The following BRD4 variants were observed in gnomAD, a reference collection of about 807,000 sequenced individuals.
BRD4 encodes bromodomain containing 4, also known as bromodomain-containing protein 4.
BRD4 carries 16 observed loss-of-function variants against 142.1 expected under a neutral mutation model. The ratio of observed to expected loss-of-function variants is 0.11; its 90% CI spans 0.08 to 0.17. BRD4 has a LOEUF of 0.17. Ranked by LOEUF, BRD4 falls within the 10% of genes least tolerant of loss-of-function variation. BRD4 has a pLI of 1.00. For synonymous variants in BRD4, 833 were observed against 707.5 expected, an observed-to-expected ratio of 1.18 and a Z score of -2.82; for missense variants, 1,424 against 1,810.9, an observed-to-expected ratio of 0.79 and a Z score of 3.88.
chr19:15,289,309 T>A (rs1423997725), intron 1 of BRD4, among the ~76,000 whole-genome samples: 1 of 152,114 alleles, frequency 6.6e-6, no homozygotes, highest in Non-Finnish European at 1.5e-5. Flanking sequence ...CCCAGCACTT[T>A]GGGAGGCCGA....
intron 1 of BRD4, among the ~76,000 whole-genome samples, chr19:15,298,542 A>AC (rs1158190692): frequency 2.1e-5 from 3 of 139,538 alleles, no homozygotes; most frequent in African/African-American, 8.1e-5. Context: ...AATCACTTGA[A>AC]CCCGGGGGGC....
chr19:15,276,924 A>G (rs1224216783), intron 1 of BRD4, among the ~76,000 whole-genome samples: 1 of 152,188 alleles, frequency 6.6e-6, no homozygotes, highest in African/African-American at 2.4e-5. Flanking sequence ...CCCGAGGGAC[A>G]GGCGGCATCT....
chr19:15,312,091 G>A (rs945344967), intron 1 of BRD4, among the ~76,000 whole-genome samples: 1 of 152,210 alleles, frequency 6.6e-6, no homozygotes, highest in African/African-American at 2.4e-5. Context: ...AGGCAAATGG[G>A]TTCAGCCGAC....
In BRD4 at chr19:15,331,685, G is replaced by A. The variant is rs188163030; in HGVS notation, c.-35+605C>T. Among the ~76,000 whole-genome samples, 779 of 152,074 alleles carry A rather than the reference G, an allele frequency of 5.1e-3. 7 individuals carry two copies. Among genetic ancestry groups the A allele is most frequent in the African/African-American group, 0.018 (731 of 41,540 alleles). ...GGGAAGGTGAAGAGATGGGGGTGGGGGCGCGCTGCCCCGGCCCAGGCAAAA... is the reference window on the plus strand; with the variant it reads ...GGGAAGGTGAAGAGATGGGGGTGGGAGCGCGCTGCCCCGGCCCAGGCAAAA... On this transcript the variant is annotated intron_variant, in intron 1 of 19. Coordinates refer to ENST00000679869, the MANE Select transcript of BRD4 (RefSeq NM_001379291.1).
intron 8 of BRD4, 77 bp downstream of exon 8, chr19:15,256,887 T>A (rs763536687): frequency 3.0e-5 from 40 of 1,317,942 alleles, no homozygotes; most frequent in African/African-American, 4.4e-5. Flanking sequence ...ACCAAGAACA[T>A]CTCTTAGAAA....
At chr19:15,240,543 A>G (rs1014960153) in intron 14 of BRD4, among the ~76,000 whole-genome samples, 1 of 152,176 alleles carries the variant, frequency 6.6e-6, no homozygotes, top group Non-Finnish European at 1.5e-5. Flanking sequence ...TTCCCCACTC[A>G]GCCTGCACGC....
chr19:15,267,404 TCAGTACTC>T lies in BRD4; in HGVS notation c.559+4_559+11del. ...GGAGAAAGCCAATTTACTTGCTATT[TCAGTACTC>T]TACCTGTTTCTTTCCTCCCACGTCC... On this transcript the variant is annotated splice_donor_5th_base_variant and intron_variant, in intron 4 of 19. Coordinates refer to ENST00000679869, the MANE Select transcript of BRD4 (RefSeq NM_001379291.1). The T allele has an allele frequency of 6.2e-7, 1 of 1,612,428 alleles. No individual in the cohort carries two copies. The highest frequency in any genetic ancestry group is 1.3e-5 in the African/African-American group (1 of 74,896).
chr19:15,297,905 G>T (rs1206092788), intron 1 of BRD4, among the ~76,000 whole-genome samples: 2 of 152,184 alleles, frequency 1.3e-5, no homozygotes, highest in African/African-American at 4.8e-5. Context: ...GCCTACATGT[G>T]TGCCCATCCA....
intron 2 of BRD4, among the ~76,000 whole-genome samples, chr19:15,272,070 GAA>G (rs113332064): frequency 6.7e-6 from 1 of 148,928 alleles, no homozygotes; most frequent in Non-Finnish European, 1.5e-5. Flanking sequence ...GTGCTTTAAA[GAA>G]AAAAAAACTG....
intron 1 of BRD4, among the ~76,000 whole-genome samples, chr19:15,327,910 A>G (rs2048122772): frequency 1.6e-4 from 3 of 18,516 alleles, no homozygotes; most frequent in Middle Eastern, 0.17. Flanking sequence ...TAGGTAATGG[A>G]TTTCTTTTGG....
intron 1 of BRD4, among the ~76,000 whole-genome samples, chr19:15,286,974 A>G (rs752350905): frequency 4.6e-5 from 7 of 152,190 alleles, no homozygotes; most frequent in Non-Finnish European, 1.0e-4. Context: ...AGGGATGGGG[A>G]ATACTACACA....
Position 15,250,696 on chromosome 19 carries a change from G to A in BRD4, c.2158+3456C>T, listed in dbSNP as rs151057402. On this transcript the variant is annotated intron_variant, in intron 11 of 19. Coordinates refer to ENST00000679869, the MANE Select transcript of BRD4 (RefSeq NM_001379291.1). ...ACGGGTATTCCTAAGAGGGACATAA[G>A]CTGTGGGGACACTTCTGCTCACAAA... Among the ~76,000 whole-genome samples, 70 of 152,314 alleles carry A rather than the reference G, an allele frequency of 4.6e-4. 4 individuals are homozygous for A. The East Asian group carries it at 0.013, about 29-fold the overall frequency.
chr19:15,244,830 A>G, intron 11 of BRD4, 68 bp from the exon 12 acceptor site: 1 of 1,609,708 alleles, frequency 6.2e-7, no homozygotes, highest in Non-Finnish European at 8.5e-7. Context: ...TTGGATGAAG[A>G]AAGACGAGAA....
At chr19:15,318,222 A>G (rs1224948919) in intron 1 of BRD4, among the ~76,000 whole-genome samples, 1 of 152,186 alleles carries the variant, frequency 6.6e-6, no homozygotes. Context: ...GCCAAGACCA[A>G]TGGTACATGA....
chr19:15,308,712 C>T (rs2047939534), intron 1 of BRD4, among the ~76,000 whole-genome samples: 1 of 150,820 alleles, frequency 6.6e-6, no homozygotes, highest in African/African-American at 2.4e-5. Context: ...TAAGCTGAAA[C>T]TCCTTAAACT....
At chr19:15,319,310 A>G (rs534374286) in intron 1 of BRD4, among the ~76,000 whole-genome samples, 39 of 152,290 alleles carry the variant, frequency 2.6e-4, no homozygotes, top group Non-Finnish European at 5.1e-4. Flanking sequence ...ACAAAAATAC[A>G]AAAAATTAGC....
intron 1 of BRD4, among the ~76,000 whole-genome samples, chr19:15,309,771 C>T (rs2047950352): frequency 6.6e-6 from 1 of 152,050 alleles, no homozygotes; most frequent in Admixed American, 6.6e-5. Context: ...AGGAGCAAAC[C>T]GGGTAGTGTG....
intron 1 of BRD4, among the ~76,000 whole-genome samples, chr19:15,314,930 A>C (rs2048003516): frequency 6.6e-6 from 1 of 152,220 alleles, no homozygotes; most frequent in African/African-American, 2.4e-5. Flanking sequence ...TGGAAGAAGA[A>C]TCAAATGAAC....
At chr19:15,274,809 C>CTCTTCT (rs1436296475) in intron 1 of BRD4, among the ~76,000 whole-genome samples, 5 of 152,000 alleles carry the variant, frequency 3.3e-5, no homozygotes, top group African/African-American at 9.7e-5. Flanking sequence ...CCAGTGACCA[C>CTCTTCT]TCTTCTTCAC....
Sources: allele counts gnomAD v4.1 joint callset (sites outside exome capture counted in the v4.1 genomes callset), GRCh38; gene constraint gnomAD v4.1.1; transcripts MANE v1.5; gene names NCBI Gene and HGNC (gene_info 2026-07-23, HGNC 2026-07-21).